The following CACNG6 variants were observed in gnomAD, a reference collection of about 807,000 sequenced individuals.
The protein encoded by CACNG6 is voltage-dependent calcium channel gamma-6 subunit.
Under a neutral mutation model 23.9 loss-of-function variants are expected in CACNG6, and 21 were observed. The observed-to-expected ratio is 0.88, with a 90% CI of 0.62 to 1.26. The LOEUF (loss-of-function observed/expected upper bound fraction) is 1.26. Among genes scored for constraint, CACNG6 ranks in the 50% most tolerant of loss-of-function variants. The pLI is 0.00. For missense variants in CACNG6, 340 were observed against 352.9 expected, an observed-to-expected ratio of 0.96 and a Z score of 0.29; for synonymous variants, 182 against 168.9, an observed-to-expected ratio of 1.08 and a Z score of -0.60.
chr19:54,012,085 G>C lies in CACNG6; in HGVS notation c.679G>C (p.Ala227Pro). Residue 227 changes from alanine to proline, a missense_variant, in exon 4 of 4, where the codon GCC (alanine) becomes CCC (proline). Ala to Pro is a conservative substitution (Grantham distance 27). Transcript: ENST00000252729. Reference protein sequence around the residue: ...YSWSLGCGVGAGLILLLGAGC... With the variant: ...YSWSLGCGVGPGLILLLGAGC... ...CTGGTCCCTGGGCTGCGGCGTGGGGGCCGGCCTGATCCTGCTGTTGGGGGC... is the reference window on the plus strand; with the variant it reads ...CTGGTCCCTGGGCTGCGGCGTGGGGCCCGGCCTGATCCTGCTGTTGGGGGC... 1 of 1,583,826 alleles carries C rather than the reference G, an allele frequency of 6.3e-7. No individual in the cohort carries two copies. The highest frequency in any genetic ancestry group is 8.6e-7 in the Non-Finnish European group (1 of 1,167,162).
At chr19:54,002,484 CT>C (rs11305908) in intron 3 of CACNG6, among the ~76,000 whole-genome samples, 44,368 of 141,322 alleles carry the variant, frequency 0.31, 7,133 homozygotes, top group Middle Eastern at 0.51. Context: ...TCTATTTCTC[CT>C]TTTTTTTTTT....
At chr19:53,997,291 C>T (rs547414646) in intron 1 of CACNG6, among the ~76,000 whole-genome samples, 2 of 152,110 alleles carry the variant, frequency 1.3e-5, no homozygotes, top group Non-Finnish European at 2.9e-5. Flanking sequence ...GCTATATGTA[C>T]TGGAGAGATT....
At chr19:54,008,727 G>A (rs980090697) in intron 3 of CACNG6, among the ~76,000 whole-genome samples, 1 of 152,078 alleles carries the variant, frequency 6.6e-6, no homozygotes, top group Non-Finnish European at 1.5e-5. Flanking sequence ...CATCCTTCAG[G>A]TCCCAGCTCA....
intron 3 of CACNG6, among the ~76,000 whole-genome samples, chr19:54,011,205 A>AAAAAATATATATATATATATATAT: frequency 9.8e-6 from 1 of 102,506 alleles, no homozygotes; most frequent in East Asian, 2.8e-4. Context: ...AAAAAAAAAA[A>AAAAAATATATATATATATATATAT]ATATATATAT....
intron 3 of CACNG6, among the ~76,000 whole-genome samples, chr19:54,002,012 C>T (rs535514731): frequency 9.2e-5 from 14 of 152,204 alleles, no homozygotes; most frequent in South Asian, 4.2e-4. Flanking sequence ...TTTATCCTTC[C>T]GTTGATTGAT....
intron 3 of CACNG6, among the ~76,000 whole-genome samples, chr19:54,004,223 C>A (rs372347880): frequency 6.6e-6 from 1 of 151,874 alleles, no homozygotes; most frequent in Admixed American, 6.6e-5. Context: ...TGCAATGGCA[C>A]GATCTCGACT....
Position 54,003,165 on chromosome 19 carries a change from G to A in CACNG6, c.544+3394G>A, listed in dbSNP as rs546126084. On this transcript the variant is annotated intron_variant, in intron 3 of 3. Coordinates refer to ENST00000252729, the MANE Select transcript of CACNG6 (RefSeq NM_145814.2). ...TGAAACATGTACTTCATACAGAGAT[G>A]TGAAGAATAAGGACATCTAAGACAG... Among the ~76,000 whole-genome samples, 23 of 152,260 alleles carry A rather than the reference G, an allele frequency of 1.5e-4. No homozygotes were observed. The South Asian group carries it at 3.3e-3, about 22-fold the overall frequency.
At chr19:53,999,544 A>T in intron 2 of CACNG6, 90 bp from the exon 3 acceptor site, 2 of 1,450,894 alleles carry the variant, frequency 1.4e-6, no homozygotes, top group Non-Finnish European at 1.9e-6. Flanking sequence ...CCCGAATCTT[A>T]CATCTTCCTG....
intron 3 of CACNG6, among the ~76,000 whole-genome samples, chr19:54,009,547 C>T (rs1011550876): frequency 2.0e-5 from 3 of 151,790 alleles, no homozygotes; most frequent in African/African-American, 2.4e-5. Context: ...ACCTGGGAGG[C>T]GGAAGCTGCA....
chr19:54,008,576 A>T (rs140029246), intron 3 of CACNG6, among the ~76,000 whole-genome samples: 70 of 151,676 alleles, frequency 4.6e-4, no homozygotes, highest in Non-Finnish European at 8.1e-4. Flanking sequence ...CCCCAACCCC[A>T]ACTCTCCTTG....
intron 2 of CACNG6, among the ~76,000 whole-genome samples, chr19:53,998,581 G>A (rs1424916959): frequency 1.3e-5 from 2 of 148,408 alleles, no homozygotes; most frequent in South Asian, 2.1e-4. Flanking sequence ...GCACAATCTC[G>A]GCTCACTGCA....
At position 53,992,976 on chromosome 19, in the gene CACNG6, C is replaced by G. The variant is rs1568809723; in HGVS notation, c.99C>G (p.Pro33=). 1.4e-6 allele frequency: 2 copies of G among 1,433,670 alleles called. No individual in the cohort carries two copies. The highest frequency in any genetic ancestry group is 1.8e-6 in the Non-Finnish European group (2 of 1,096,956). The allele number at this position is 1,433,670 out of a possible 1,614,324, so 88.8% of individuals were successfully genotyped here. The change falls in exon 1 of 4, where the codon CCC becomes CCG. Residue 33 remains proline, a synonymous_variant. Coordinates refer to ENST00000252729, the MANE Select transcript of CACNG6 (RefSeq NM_145814.2). The surrounding 1 kb of genome is among the most constrained non-coding windows in gnomAD (Gnocchi z 4.1). ...GGCAGGGCAGGTCGGGGCTGACGCCCGAGCGCGAGGGGAAGGTGAAGCTGG... is the reference window on the plus strand; with the variant it reads ...GGCAGGGCAGGTCGGGGCTGACGCCGGAGCGCGAGGGGAAGGTGAAGCTGG... ...AHGQGRSGLT[P]EREGKVKLAL...
chr19:54,004,336 TGTGTGTGTGTGTGTGTG>T (rs1331430365), intron 3 of CACNG6, among the ~76,000 whole-genome samples: 346 of 29,734 alleles, frequency 0.012, 10 homozygotes, highest in African/African-American at 0.017. Flanking sequence ...TTTGTATTTT[TGTGTGTGTGTGTGTGTG>T]TGTGTGTGTG....
At chr19:53,993,303 A>C in intron 1 of CACNG6, 95 bp downstream of exon 1, 1 of 1,287,454 alleles carries the variant, frequency 7.8e-7, no homozygotes, top group Non-Finnish European at 1.0e-6. Flanking sequence ...CCAGGGACAA[A>C]AGCCTGAGCC....
upstream of CACNG6, among the ~76,000 whole-genome samples, chr19:53,991,572 C>CGAGGGAG (rs2069458702): frequency 1.6e-5 from 1 of 63,826 alleles, no homozygotes; most frequent in African/African-American, 5.2e-5. Flanking sequence ...GAAATAGCCC[C>CGAGGGAG]GAGGGTGGAG....
intron 3 of CACNG6, among the ~76,000 whole-genome samples, chr19:54,001,209 A>G (rs1346911902): frequency 7.0e-6 from 1 of 142,276 alleles, no homozygotes; most frequent in Non-Finnish European, 1.5e-5. Context: ...TTTTTTTGAG[A>G]CAGAGTTTCG....
chr19:53,994,863 G>C (rs2069505069), intron 1 of CACNG6, among the ~76,000 whole-genome samples: 1 of 152,174 alleles, frequency 6.6e-6, no homozygotes, highest in African/African-American at 2.4e-5. Flanking sequence ...CAGATGGGCT[G>C]TCTCTGGCCC....
At chr19:54,005,257 AAAAG>A (rs1482630262) in intron 3 of CACNG6, among the ~76,000 whole-genome samples, 67 of 94,940 alleles carry the variant, frequency 7.1e-4, no homozygotes, top group Non-Finnish European at 1.2e-3. Flanking sequence ...AAATAATAAT[AAAAG>A]AAAGAGCACG....
intron 3 of CACNG6, among the ~76,000 whole-genome samples, chr19:54,011,526 C>T (rs1482390635): frequency 6.6e-6 from 1 of 151,440 alleles, no homozygotes; most frequent in Non-Finnish European, 1.5e-5. Context: ...GAACGCGTTT[C>T]TCCCGTCTAG....
Sources: allele counts gnomAD v4.1 joint callset (sites outside exome capture counted in the v4.1 genomes callset), GRCh38; gene constraint gnomAD v4.1.1; non-coding constraint Gnocchi (gnomAD v3.1); transcripts MANE v1.5; gene names NCBI Gene and HGNC (gene_info 2026-07-23, HGNC 2026-07-21).